The following EP400 variants were observed in gnomAD, a reference collection of about 807,000 sequenced individuals.
The protein encoded by EP400 is E1A-binding protein p400.
Under a neutral mutation model 354.1 loss-of-function variants are expected in EP400, and 105 were observed. That is an observed-to-expected ratio of 0.30 (90% confidence interval 0.25 to 0.35). The LOEUF is 0.35. EP400 is among the 10% of genes least tolerant of loss of function. The pLI is 1.00. For synonymous variants in EP400, 1,646 were observed against 1,716.9 expected, an observed-to-expected ratio of 0.96 and a Z score of 1.02; for missense variants, 3,280 against 4,121.0, an observed-to-expected ratio of 0.80 and a Z score of 5.59.
At chr12:131,979,578 C>G (rs1363855393) in intron 2 of EP400, 116 bp from the exon 3 acceptor site, 2 of 810,198 alleles carry the variant, frequency 2.5e-6, no homozygotes, top group South Asian at 2.0e-5. Context: ...GGGTAGATAA[C>G]ATTCCTGTTA....
At chr12:131,955,603 T>C (rs1487169337) in intron 1 of EP400, among the ~76,000 whole-genome samples, 1 of 151,220 alleles carries the variant, frequency 6.6e-6, no homozygotes, top group Non-Finnish European at 1.5e-5. Context: ...TTTTAGTGTA[T>C]GGTTGAATTT....
intron 48 of EP400, 185 bp downstream of exon 48, chr12:132,065,071 C>A: frequency 9.2e-7 from 1 of 1,084,692 alleles, no homozygotes; most frequent in Non-Finnish European, 1.3e-6. Context: ...ATTAACACAG[C>A]AGCAGCTCCC....
At chr12:132,077,348 T>G in intron 52 of EP400, 53 bp from the exon 53 acceptor site, 1 of 1,575,642 alleles carries the variant, frequency 6.3e-7, no homozygotes, top group Non-Finnish European at 8.6e-7. Context: ...CATTTTCCTG[T>G]CCCTGGACTG....
Position 131,990,003 on chromosome 12 carries a change from C to T in EP400, c.2449C>T (p.Leu817Phe). 2.5e-6 allele frequency: 4 copies of T among 1,613,666 alleles called. No homozygotes were observed. Among genetic ancestry groups the T allele is most frequent in the Non-Finnish European group, 3.4e-6 (4 of 1,179,914 alleles). Residue 817 changes from leucine to phenylalanine, a missense_variant, in exon 8 of 53, where the codon CTC becomes TTC. Coordinates refer to ENST00000389561, the MANE Select transcript of EP400 (RefSeq NM_015409.5). The surrounding 1 kb of genome is among the most constrained non-coding windows in gnomAD (Gnocchi z 4.2). ...GGTGCGCCATCACGAGGAGAAGCAG[C>T]TCCGTGAAGAAAGGGGGAAGAAGGA... ...TVVRHHEEKQ[L>F]REERGKKEEQ...
At position 132,043,880 on chromosome 12, in the gene EP400, A is replaced by G. The variant is rs1225490761; in HGVS notation, c.6450+152A>G. 7 of 827,842 alleles carry G rather than the reference A, an allele frequency of 8.5e-6. No homozygotes were observed. The East Asian group carries it at 1.6e-4, about 19-fold the overall frequency. The allele number at this position is 827,842 out of a possible 1,614,324, so 51.3% of individuals were successfully genotyped here. On this transcript the variant is annotated intron_variant, in intron 34 of 52. Transcript: ENST00000389561. ...AACTTAAAATGAAGAGAGTCTCGAG[A>G]AGCCCGTAGGGACCGTGGAGCTTGT...
At position 132,027,504 on chromosome 12, in the gene EP400, A is replaced by C. The variant is rs776392895; in HGVS notation, c.5082A>C (p.Pro1694=). 1 of 1,613,540 alleles carries C rather than the reference A, an allele frequency of 6.2e-7. No individual in the cohort carries two copies. The highest frequency in any genetic ancestry group is 2.2e-5 in the East Asian group (1 of 44,858). ...AVGEPGTASK[P]ASPIGGPTQE... ...GAGAACCCGGAACGGCCTCCAAACC[A>C]GCTTCTCCCATTGGAGGGCCGACCC... Residue 1694 remains proline (P), a synonymous_variant, in exon 26 of 53, where the codon CCA becomes CCC. Coordinates refer to ENST00000389561, the MANE Select transcript of EP400 (RefSeq NM_015409.5). The surrounding 1 kb of genome is among the most constrained non-coding windows in gnomAD (Gnocchi z 4.9).
chr12:131,982,396 C>T lies in EP400; in HGVS notation c.1847C>T (p.Ser616Leu), dbSNP rs1016034285. 5.6e-6 allele frequency: 9 copies of T among 1,614,030 alleles called. No individual in the cohort carries two copies. Among genetic ancestry groups the T allele is most frequent in the Admixed American group, 5.0e-5 (3 of 60,010 alleles). Residue 616 changes from serine to leucine, a missense_variant, in exon 5 of 53, where the codon TCG becomes TTG. Physicochemically the swap from Ser to Leu is moderately radical, Grantham distance 145. Transcript: ENST00000389561. ...AGCAGCCAACTCCCCATCCCTCCCT[C>T]GCAGCCTGCACAGCTGGCCCTCCAC... ...PPSSQLPIPP[S>L]QPAQLALHVP...
intron 1 of EP400, among the ~76,000 whole-genome samples, chr12:131,952,443 G>A (rs550337786): frequency 1.3e-5 from 2 of 151,970 alleles, no homozygotes; most frequent in African/African-American, 4.8e-5. Context: ...CACCGCGCCC[G>A]GCCCCAATAG....
In EP400 at chr12:132,027,978, G is replaced by A. The variant is rs768027829; in HGVS notation, c.5110-39G>A. On this transcript the variant is annotated intron_variant, in intron 26 of 52. Coordinates refer to ENST00000389561, the MANE Select transcript of EP400 (RefSeq NM_015409.5). The surrounding 1 kb of genome is among the most constrained non-coding windows in gnomAD (Gnocchi z 4.9). Reference sequence around the variant, plus strand: ...GGTGAAGACAGGAACTTGTCATTCTGTTTCTCAAGTAACTGTTTTTCATCA... The same window carrying A: ...GGTGAAGACAGGAACTTGTCATTCTATTTCTCAAGTAACTGTTTTTCATCA... 19 of 1,598,702 alleles carry A rather than the reference G, an allele frequency of 1.2e-5. 1 individual carries two copies. Among genetic ancestry groups the A allele is most frequent in the Admixed American group, 6.7e-5 (4 of 59,290 alleles).
intron 41 of EP400, 118 bp from the exon 42 acceptor site, chr12:132,053,028 C>T: frequency 9.3e-7 from 1 of 1,076,550 alleles, no homozygotes; most frequent in South Asian, 1.3e-5. Flanking sequence ...GCTTTACGCC[C>T]TCATCTCTTG....
At chr12:132,059,646 A>C (rs1490325656) in intron 45 of EP400, among the ~76,000 whole-genome samples, 1 of 152,246 alleles carries the variant, frequency 6.6e-6, no homozygotes, top group Non-Finnish European at 1.5e-5. Context: ...ATGAGTGAGA[A>C]TCAGCGGAAT....
At chr12:132,010,468 T>C (rs931903726) in intron 15 of EP400, among the ~76,000 whole-genome samples, 6 of 152,328 alleles carry the variant, frequency 3.9e-5, no homozygotes, top group African/African-American at 7.2e-5. Context: ...TTATTTTCTA[T>C]TGGGTGGTTC....
intron 39 of EP400, among the ~76,000 whole-genome samples, chr12:132,047,660 G>T (rs963337158): frequency 3.9e-5 from 6 of 152,358 alleles, no homozygotes; most frequent in Admixed American, 2.0e-4. Flanking sequence ...AGGACCACAG[G>T]ACCAGGGCGA....
At chr12:132,007,926 A>T (rs1593342447) in intron 15 of EP400, among the ~76,000 whole-genome samples, 1 of 145,278 alleles carries the variant, frequency 6.9e-6, no homozygotes, top group Non-Finnish European at 1.5e-5. Flanking sequence ...GGCAGGGCTG[A>T]GGGTCCCTTC....
At chr12:132,032,884 C>T (rs900534892) in intron 30 of EP400, among the ~76,000 whole-genome samples, 3 of 152,146 alleles carry the variant, frequency 2.0e-5, no homozygotes, top group African/African-American at 7.2e-5. Context: ...CCGCCGTGGC[C>T]TCCCAAAGTG....
rs1163272892 is a variant in EP400 at position 132,012,999 on chromosome 12, T to G, written c.3442-10T>G. 1.9e-6 allele frequency: 3 copies of G among 1,600,626 alleles called. No homozygotes were observed. The highest frequency in any genetic ancestry group is 2.6e-6 in the Non-Finnish European group (3 of 1,171,842). On this transcript the variant is annotated splice_polypyrimidine_tract_variant and intron_variant, in intron 16 of 52. Coordinates refer to ENST00000389561, the MANE Select transcript of EP400 (RefSeq NM_015409.5). Reference sequence around the variant, plus strand: ...TGTGAAGGCACTGAGCTGTCCTCTCTGTGCTGCAGGAGTGGGCCGAACCCA... The same window carrying G: ...TGTGAAGGCACTGAGCTGTCCTCTCGGTGCTGCAGGAGTGGGCCGAACCCA...
Position 132,013,702 on chromosome 12 carries a change from C to T in EP400, c.3786+38C>T. On this transcript the variant is annotated intron_variant, in intron 18 of 52. Coordinates refer to ENST00000389561, the MANE Select transcript of EP400 (RefSeq NM_015409.5). The surrounding 1 kb of genome is among the most constrained non-coding windows in gnomAD (Gnocchi z 4.5). The stretch of plus-strand genomic sequence containing the variant: ...CTGCCATTTCAGTTAATTAATTAAA[C>T]ATGCGTATGCCTTGTTATAAACGTG... The T allele has an allele frequency of 8.1e-6, 13 of 1,604,392 alleles. No homozygotes were observed. The highest frequency in any genetic ancestry group is 1.1e-5 in the Non-Finnish European group (13 of 1,174,106).
intron 3 of EP400, among the ~76,000 whole-genome samples, chr12:131,981,020 A>G (rs971259274): frequency 6.6e-6 from 1 of 152,242 alleles, no homozygotes; most frequent in Admixed American, 6.5e-5. Context: ...TTTATTAGGT[A>G]TAAGTCATTT....
At chr12:132,031,458 A>G (rs1894490642) in intron 29 of EP400, 1 of 492,556 alleles carries the variant, frequency 2.0e-6, no homozygotes, top group South Asian at 1.5e-5. Flanking sequence ...GCGTAAGATG[A>G]TAGTGGCTGC....
Sources: gnomAD v4.1 joint callset for allele counts (sites outside exome capture counted in the v4.1 genomes callset) on GRCh38, gnomAD v4.1.1 for gene constraint, Gnocchi (gnomAD v3.1) non-coding constraint, MANE v1.5 for transcripts, NCBI Gene and HGNC (gene_info 2026-07-23, HGNC 2026-07-21) for gene names.